The following EPHB1 variants were observed in gnomAD, a reference collection of about 807,000 sequenced individuals.
The protein encoded by EPHB1 is ephrin type-B receptor 1.
EPHB1 carries 30 observed loss-of-function variants against 94.4 expected under a neutral mutation model. The ratio of observed to expected loss-of-function variants is 0.32; its 90% CI spans 0.24 to 0.43. EPHB1 has a LOEUF of 0.43. Among genes scored for constraint, EPHB1 ranks in the 20% least tolerant of loss-of-function variants. EPHB1 has a pLI of 1.00. For synonymous variants in EPHB1, 522 were observed against 489.1 expected (o/e 1.07, Z -0.89); for missense variants, 1,055 against 1,308.3 (o/e 0.81, Z 2.99).
chr3:135,100,460 C>G (rs2107796222), intron 3 of EPHB1, among the ~76,000 whole-genome samples: 1 of 152,284 alleles, frequency 6.6e-6, no homozygotes, highest in African/African-American at 2.4e-5. Context: ...TCCACTATCT[C>G]CTGAGGAAAT....
chr3:135,253,584 G>C (rs1177864186), intron 15 of EPHB1, among the ~76,000 whole-genome samples: 1 of 149,874 alleles, frequency 6.7e-6, no homozygotes, highest in Non-Finnish European at 1.5e-5. Flanking sequence ...CTCTGTTTTG[G>C]TACCAGTACC....
At chr3:134,839,522 G>C (rs558030827) in intron 1 of EPHB1, among the ~76,000 whole-genome samples, 4 of 152,142 alleles carry the variant, frequency 2.6e-5, no homozygotes, top group Non-Finnish European at 2.9e-5. Flanking sequence ...GGGTAGGCAT[G>C]TCCTGAAAGC....
intron 3 of EPHB1, among the ~76,000 whole-genome samples, chr3:135,076,980 C>A (rs1054870974): frequency 1.8e-4 from 28 of 152,094 alleles, no homozygotes; most frequent in African/African-American, 5.6e-4. Context: ...GGTAGACATG[C>A]TCTAAAATTT....
At chr3:134,923,297 A>G (rs143522134) in intron 1 of EPHB1, among the ~76,000 whole-genome samples, 1 of 152,270 alleles carries the variant, frequency 6.6e-6, no homozygotes, top group Non-Finnish European at 1.5e-5. Context: ...GGGGTAGCAG[A>G]AGTGCTATCT....
intron 1 of EPHB1, among the ~76,000 whole-genome samples, chr3:134,890,322 T>G (rs967560170): frequency 4.6e-5 from 7 of 152,246 alleles, no homozygotes; most frequent in African/African-American, 1.7e-4. Flanking sequence ...AAATAATATG[T>G]TTGAGAGATC....
chr3:134,960,972 A>G (rs1432746083), intron 3 of EPHB1, among the ~76,000 whole-genome samples: 1 of 152,152 alleles, frequency 6.6e-6, no homozygotes, highest in Non-Finnish European at 1.5e-5. Context: ...GTCTTAGGGT[A>G]TGGTCCTTGG....
chr3:134,799,855 G>A lies in EPHB1; in HGVS notation c.58+4166G>A, dbSNP rs565491669. ...TGGTTCTCATTTAATTTTACCCATC[G>A]AGAAGTAATCTTTGATAAAGCAAAT... On this transcript the variant is annotated intron_variant, in intron 1 of 15. Transcript: ENST00000398015. 1.6e-3 allele frequency among the ~76,000 whole-genome samples: 239 copies of A among 152,286 alleles called. 1 individual carries two copies. Among genetic ancestry groups the A allele is most frequent in the Non-Finnish European group, 1.7e-3 (114 of 68,028 alleles).
At chr3:135,166,467 C>G (rs1424301423) in intron 8 of EPHB1, among the ~76,000 whole-genome samples, 1 of 152,152 alleles carries the variant, frequency 6.6e-6, no homozygotes, top group Non-Finnish European at 1.5e-5. Context: ...GGCAGGCTGG[C>G]AGGAGAGAAG....
chr3:134,944,761 G>T (rs912531676), intron 2 of EPHB1, among the ~76,000 whole-genome samples: 1 of 120,270 alleles, frequency 8.3e-6, no homozygotes, highest in Non-Finnish European at 1.8e-5. Flanking sequence ...CTAATTTCAC[G>T]TAGATAAAAG....
intron 1 of EPHB1, among the ~76,000 whole-genome samples, chr3:134,805,186 G>T (rs1010890209): frequency 4.6e-5 from 7 of 152,156 alleles, no homozygotes; most frequent in Non-Finnish European, 1.0e-4. Context: ...ATCTGTGCAG[G>T]TTCCTCCAGG....
intron 15 of EPHB1, among the ~76,000 whole-genome samples, chr3:135,250,555 G>A (rs1933032791): frequency 6.6e-6 from 1 of 152,144 alleles, no homozygotes; most frequent in Non-Finnish European, 1.5e-5. Flanking sequence ...TAAGATCTGA[G>A]CATAAGGGTT....
intron 3 of EPHB1, among the ~76,000 whole-genome samples, chr3:134,977,097 G>C (rs367819038): frequency 2.0e-5 from 3 of 152,214 alleles, no homozygotes; most frequent in African/African-American, 7.2e-5. Context: ...CACCTTCACA[G>C]CTTAGCAGAA....
chr3:134,978,109 G>A, intron 3 of EPHB1: 1 of 410,362 alleles, frequency 2.4e-6, no homozygotes, highest in Non-Finnish European at 4.8e-6. Flanking sequence ...AAAAATGGAA[G>A]ATCCAAGTTT....
chr3:134,795,555 AGCGGCGCCCTGGGAC>A lies in EPHB1; in HGVS notation c.-69_-55del, dbSNP rs1420608429. 5 of 1,416,592 alleles carry A rather than the reference AGCGGCGCCCTGGGAC, an allele frequency of 3.5e-6. No individual in the cohort carries two copies. Among genetic ancestry groups the A allele is most frequent in the Non-Finnish European group, 4.9e-6 (5 of 1,024,538 alleles). 87.8% of individuals were successfully genotyped at this position (1,416,592 alleles called of 1,614,324 possible). A position where few individuals can be genotyped will look rare whatever the true frequency, so the allele number is the denominator to read the frequency against. On this transcript the variant is annotated 5_prime_UTR_variant, in exon 1 of 16. Coordinates refer to ENST00000398015, the MANE Select transcript of EPHB1 (RefSeq NM_004441.5). Reference sequence around the variant, plus strand: ...CCGAGAAGCCACCCGCGGAGAGCGCAGCGGCGCCCTGGGACGCGGCGCTCTCCCGGCGCTGCTGCC... The same window carrying A: ...CCGAGAAGCCACCCGCGGAGAGCGCAGCGGCGCTCTCCCGGCGCTGCTGCC...
chr3:134,930,417 G>T (rs2038884016), intron 2 of EPHB1, among the ~76,000 whole-genome samples: 1 of 152,228 alleles, frequency 6.6e-6, no homozygotes, highest in African/African-American at 2.4e-5. Context: ...AGAGGAAAAA[G>T]GTAACAAACA....
intron 2 of EPHB1, among the ~76,000 whole-genome samples, chr3:134,935,981 A>G (rs1210019227): frequency 6.6e-6 from 1 of 152,060 alleles, no homozygotes; most frequent in Non-Finnish European, 1.5e-5. Context: ...ATTTCCAAAG[A>G]GCTATTATCC....
chr3:134,903,683 G>A (rs1341011713), intron 1 of EPHB1, among the ~76,000 whole-genome samples: 1 of 152,158 alleles, frequency 6.6e-6, no homozygotes, highest in East Asian at 1.9e-4. Context: ...TGGGAATGAT[G>A]GGGCCTTGGT....
intron 1 of EPHB1, among the ~76,000 whole-genome samples, chr3:134,812,053 C>T (rs192574339): frequency 2.0e-5 from 3 of 152,340 alleles, no homozygotes; most frequent in Non-Finnish European, 4.4e-5. Context: ...CCAGTGCCTA[C>T]TCGCTGAATG....
At chr3:135,121,659 G>T (rs138819055) in intron 4 of EPHB1, among the ~76,000 whole-genome samples, 28 of 152,250 alleles carry the variant, frequency 1.8e-4, no homozygotes, top group African/African-American at 6.0e-4. Context: ...GATCAGAGGT[G>T]CTGTGAGCAG....
Sources: allele counts gnomAD v4.1 joint callset (sites outside exome capture counted in the v4.1 genomes callset), GRCh38; gene constraint gnomAD v4.1.1; transcripts MANE v1.5; gene names NCBI Gene and HGNC (gene_info 2026-07-23, HGNC 2026-07-21).